The following TTK variants were observed in gnomAD, a reference collection of about 807,000 sequenced individuals.
TTK encodes the protein dual specificity protein kinase TTK.
A neutral mutation model predicts 117.3 loss-of-function variants in TTK; 59 were observed. The ratio of observed to expected loss-of-function variants is 0.50; its 90% CI spans 0.41 to 0.62. TTK has a LOEUF of 0.62. Ranked by LOEUF, TTK falls within the 20% of genes least tolerant of loss-of-function variation. The pLI is 0.00. For synonymous variants in TTK, 302 were observed against 325.0 expected, an observed-to-expected ratio of 0.93 and a Z score of 0.76; for missense variants, 921 against 989.4, an observed-to-expected ratio of 0.93 and a Z score of 0.93.
intron 5 of TTK, 113 bp downstream of exon 5, chr6:80,011,070 T>G (rs1767133800): frequency 4.7e-6 from 6 of 1,290,166 alleles, no homozygotes; most frequent in Admixed American, 2.7e-5. Flanking sequence ...AAATCTAAGA[T>G]TAAATTGTAA....
Position 80,011,879 on chromosome 6 carries a change from T to C in TTK, c.802-7T>C. On this transcript the variant is annotated splice_region_variant and splice_polypyrimidine_tract_variant and intron_variant, in intron 7 of 21. Coordinates refer to ENST00000369798, the MANE Select transcript of TTK (RefSeq NM_003318.5). ...GTTGGTTATTTAATCTTTCAAAATA[T>C]TTTTAGTCATGCCCATTTGGAAGAG... 1 of 1,612,358 alleles carries C rather than the reference T, an allele frequency of 6.2e-7. No individual in the cohort carries two copies. The highest frequency in any genetic ancestry group is 8.5e-7 in the Non-Finnish European group (1 of 1,178,988).
In TTK at chr6:80,034,357, C is replaced by G. The variant is rs531830414; in HGVS notation, c.1615-628C>G. Among the ~76,000 whole-genome samples the G allele has an allele frequency of 8.5e-5, 13 of 152,242 alleles. 1 individual carries two copies. The South Asian group carries it at 2.7e-3, about 32-fold the overall frequency. ...AATAAGGCTTACCTAAACCGGATTG[C>G]AAGAGTTTTGCCAGAACAGAGACAG... is the stretch of plus-strand genomic sequence containing the variant. On this transcript the variant is annotated intron_variant, in intron 14 of 21. Transcript: ENST00000369798.
Position 80,026,371 on chromosome 6 carries a change from G to GT in TTK, c.1258-3dup, listed in dbSNP as rs1302215803. ...ACTAAATCATGGTGTTCTTTATTTTGTTTTAGCAGAAACATACCACTTTTG... is the reference window on the plus strand; with the variant it reads ...ACTAAATCATGGTGTTCTTTATTTTGTTTTTAGCAGAAACATACCACTTTTG... On this transcript the variant is annotated splice_region_variant and splice_polypyrimidine_tract_variant and intron_variant, in intron 11 of 21. Transcript: ENST00000369798. 4.4e-6 allele frequency: 7 copies of GT among 1,606,650 alleles called. No individual in the cohort carries two copies. The highest frequency in any genetic ancestry group is 5.9e-6 in the Non-Finnish European group (7 of 1,177,680).
intron 8 of TTK, 112 bp downstream of exon 8, chr6:80,012,092 G>C: frequency 1.2e-6 from 1 of 825,488 alleles, no homozygotes; most frequent in Non-Finnish European, 1.8e-6. Context: ...TTTTTATTCA[G>C]TTTTAGAAGA....
Position 80,042,206 on chromosome 6 carries a change from G to T in TTK, c.*4G>T, listed in dbSNP as rs1188297966. 31 of 1,586,710 alleles carry T rather than the reference G, an allele frequency of 2.0e-5. No homozygotes were observed. The highest frequency in any genetic ancestry group is 2.6e-5 in the Non-Finnish European group (30 of 1,162,434). The stretch of plus-strand genomic sequence containing the variant: ...AAAAAAAAGGGGAAAAAAATGATTT[G>T]CAGTTATTCGTAATGTCAGATACCA... On this transcript the variant is annotated 3_prime_UTR_variant, in exon 22 of 22. Transcript: ENST00000369798.
At chr6:80,006,086 T>C (rs751500372) in intron 2 of TTK, 104 bp downstream of exon 2, 2 of 1,445,840 alleles carry the variant, frequency 1.4e-6, no homozygotes, top group East Asian at 4.6e-5. Context: ...ATGTGTTTAT[T>C]GTCTTTCTCC....
At chr6:80,034,248 T>C (rs191555522) in intron 14 of TTK, among the ~76,000 whole-genome samples, 2 of 152,188 alleles carry the variant, frequency 1.3e-5, no homozygotes, top group African/African-American at 4.8e-5. Flanking sequence ...AGAACAGTCA[T>C]GGGGTAATGA....
intron 3 of TTK, 53 bp downstream of exon 3, chr6:80,008,084 C>T (rs1767044468): frequency 1.3e-6 from 2 of 1,525,378 alleles, no homozygotes; most frequent in Admixed American, 2.0e-5. Flanking sequence ...TATGTAACTA[C>T]ACTGCAAAGA....
At chr6:80,027,227 G>T (rs1767630694) in intron 12 of TTK, among the ~76,000 whole-genome samples, 2 of 152,190 alleles carry the variant, frequency 1.3e-5, no homozygotes, top group South Asian at 4.1e-4. Flanking sequence ...TGGTCTTAAA[G>T]ATTTTATAAC....
chr6:80,006,752 C>T (rs773126612), intron 2 of TTK, among the ~76,000 whole-genome samples: 2 of 152,020 alleles, frequency 1.3e-5, no homozygotes, highest in Non-Finnish European at 2.9e-5. Flanking sequence ...GTTTTTTAGA[C>T]ATTTCACAGA....
chr6:80,009,197 T>C (rs943080431), intron 4 of TTK, among the ~76,000 whole-genome samples: 3 of 152,076 alleles, frequency 2.0e-5, no homozygotes, highest in Non-Finnish European at 4.4e-5. Flanking sequence ...CTGCCTTGTT[T>C]CTGCTACAAC....
rs1390521116 is a variant in TTK at position 80,039,737 on chromosome 6, G to T, written c.2172G>T (p.Leu724Phe). 1 of 1,580,888 alleles carries T rather than the reference G, an allele frequency of 6.3e-7. No individual in the cohort carries two copies. The highest frequency in any genetic ancestry group is 2.3e-5 in the East Asian group (1 of 42,896). Residue 724 changes from leucine to phenylalanine, a missense_variant, in exon 19 of 22, where the codon TTG (leucine) becomes TTT (phenylalanine). Leu to Phe is a conservative substitution (Grantham distance 22, BLOSUM62 0). Transcript: ENST00000369798. The stretch of plus-strand genomic sequence containing the variant: ...ATGTTTGGTCCTTAGGATGTATTTT[G>T]TACTATATGACTTACGGGAAAACAC... ...KSDVWSLGCI[L>F]YYMTYGKTPF...
chr6:80,036,349 A>T (rs1478523909), intron 16 of TTK, 126 bp from the exon 17 acceptor site: 7 of 1,143,302 alleles, frequency 6.1e-6, no homozygotes, highest in Middle Eastern at 3.1e-4. Context: ...CAGAATATAT[A>T]AAAAAATTAT....
intron 6 of TTK, 76 bp downstream of exon 6, chr6:80,011,624 T>A: frequency 6.6e-7 from 1 of 1,521,776 alleles, no homozygotes; most frequent in Non-Finnish European, 9.0e-7. Flanking sequence ...TAATTACATG[T>A]ATCTGCATAT....
At position 80,007,990 on chromosome 6, in the gene TTK, G is replaced by GACCC; in HGVS notation, c.322_323insCCCA (p.Ser108ThrfsTer5). 9 of 1,610,392 alleles carry GACCC rather than the reference G, an allele frequency of 5.6e-6. No individual in the cohort carries two copies. Among genetic ancestry groups the GACCC allele is most frequent in the Non-Finnish European group, 6.8e-6 (8 of 1,176,868 alleles). ...CCCCAGATAAATATGGCCAAAATGAGAGTTTTGCTAGAATTCAAGTGAGAT... is the reference window on the plus strand; with the variant it reads ...CCCCAGATAAATATGGCCAAAATGAGACCCAGTTTTGCTAGAATTCAAGTGAGAT... On this transcript the variant is annotated frameshift_variant, in exon 3 of 22. Coordinates refer to ENST00000369798, the MANE Select transcript of TTK (RefSeq NM_003318.5). LOFTEE classifies it high-confidence loss of function.
In TTK at chr6:80,037,985, A is replaced by G; in HGVS notation, c.2068A>G (p.Met690Val). Residue 690 changes from methionine to valine, a missense_variant, in exon 18 of 22, where the codon ATG becomes GTG. Met to Val is a conservative substitution (Grantham distance 21). Coordinates refer to ENST00000369798, the MANE Select transcript of TTK (RefSeq NM_003318.5). ...KDSQVGTVNY[M>V]PPEAIKDMSS... is the part of the protein sequence containing the mutation. ...CATATAGGTTGGCACAGTTAATTAT[A>G]TGCCACCAGAAGCAATCAAAGATAT... The G allele has an allele frequency of 2.5e-6, 4 of 1,608,744 alleles. No homozygotes were observed. The highest frequency in any genetic ancestry group is 3.4e-6 in the Non-Finnish European group (4 of 1,176,950).
chr6:80,039,926 A>T, intron 19 of TTK, 54 bp downstream of exon 19: 1 of 1,337,950 alleles, frequency 7.5e-7, no homozygotes, highest in Non-Finnish European at 9.9e-7. Flanking sequence ...AGTTGAAATA[A>T]TTGGAATTAT....
intron 13 of TTK, among the ~76,000 whole-genome samples, chr6:80,030,994 G>A (rs1197879861): frequency 6.7e-6 from 1 of 149,670 alleles, no homozygotes; most frequent in Admixed American, 6.7e-5. Flanking sequence ...GCAGTGAGCC[G>A]AGATCATGCC....
At chr6:80,041,826 AAAAGT>A (rs1768055557) in intron 21 of TTK, among the ~76,000 whole-genome samples, 1 of 151,620 alleles carries the variant, frequency 6.6e-6, no homozygotes, top group Admixed American at 6.6e-5. Context: ...TTATTTAAGA[AAAAGT>A]AAAGAGATAA....
Sources: gnomAD v4.1 joint callset for allele counts (sites outside exome capture counted in the v4.1 genomes callset) on GRCh38, gnomAD v4.1.1 for gene constraint, MANE v1.5 for transcripts, NCBI Gene and HGNC (gene_info 2026-07-23, HGNC 2026-07-21) for gene names.